FAM153A: variants seen among roughly 807,000 people sequenced by gnomAD.
FAM153A encodes protein FAM153A.
Under a neutral mutation model 48.1 loss-of-function variants are expected in FAM153A, and 12 were observed. The ratio of observed to expected loss-of-function variants is 0.25; its 90% confidence interval spans 0.16 to 0.40. The LOEUF is 0.40. FAM153A is among the 10% of genes least tolerant of loss of function. The pLI is 1.00. For missense variants in FAM153A, 111 were observed against 345.8 expected (o/e 0.32, Z 5.38); for synonymous variants, 36 against 118.2 (o/e 0.30, Z 4.51).
At chr5:177,705,658 CTTTTTTTTT>C (rs70994931), downstream of FAM153A, among the ~76,000 whole-genome samples, 3 of 79,838 alleles carry the variant, frequency 3.8e-5, no homozygotes, top group South Asian at 1.5e-3. Flanking sequence ...TTTTCTTTTT[CTTTTTTTTT>C]TTTTTTTTTT....
chr5:177,732,869 A>G (rs1764073272), intron 14 of FAM153A, among the ~76,000 whole-genome samples: 2 of 150,192 alleles, frequency 1.3e-5, no homozygotes, highest in African/African-American at 5.0e-5. Flanking sequence ...TAACTAAAAT[A>G]TCCTATGTAT....
the FAM153A span, among the ~76,000 whole-genome samples, chr5:177,699,050 C>G: frequency 2.0e-5 from 3 of 151,750 alleles, no homozygotes; most frequent in Non-Finnish European, 4.4e-5. Context: ...ATCCTCCTAC[C>G]TCAGCATCCC....
At chr5:177,734,766 G>T in intron 13 of FAM153A, 97 bp downstream of exon 15, 1 of 1,608,364 alleles carries the variant, frequency 6.2e-7, no homozygotes, top group East Asian at 2.2e-5. Flanking sequence ...GTGTAACTAA[G>T]ATATATATCT....
chr5:177,725,136 CG>C (rs1762116637), intron 18 of FAM153A, among the ~76,000 whole-genome samples: 1 of 143,256 alleles, frequency 7.0e-6, no homozygotes, highest in Non-Finnish European at 1.5e-5. Flanking sequence ...CAACGTTGTG[CG>C]TGACATGGAG....
At chr5:177,713,360 C>T (rs1758854029) in intron 26 of FAM153A, among the ~76,000 whole-genome samples, 1 of 150,816 alleles carries the variant, frequency 6.6e-6, no homozygotes, top group South Asian at 2.1e-4. Context: ...ACGTCATTCT[C>T]CTGCCTCAGC....
At chr5:177,696,023 C>T in the FAM153A span, among the ~76,000 whole-genome samples, 158 of 130,858 alleles carry the variant, frequency 1.2e-3, no homozygotes, top group Non-Finnish European at 1.6e-3. Context: ...TCCTCACTTC[C>T]TAGATGGGGC....
At chr5:177,753,625 T>G (rs1050970555), upstream of FAM153A, among the ~76,000 whole-genome samples, 1 of 150,172 alleles carries the variant, frequency 6.7e-6, no homozygotes, top group Non-Finnish European at 1.5e-5. Flanking sequence ...CTACTATTCC[T>G]GAGTCACCAG....
At chr5:177,730,233 G>A (rs1169817446) in intron 16 of FAM153A, among the ~76,000 whole-genome samples, 1 of 116,290 alleles carries the variant, frequency 8.6e-6, no homozygotes, top group African/African-American at 2.8e-5. Context: ...GAGCAGCGAG[G>A]GGGTGCGGGG....
At chr5:177,752,638 A>AAAAAAAAAAAG (rs1554153712) in intron 1 of FAM153A, among the ~76,000 whole-genome samples, 3 of 98,714 alleles carry the variant, frequency 3.0e-5, no homozygotes, top group African/African-American at 8.7e-5. Context: ...AAAAAAAAAA[A>AAAAAAAAAAAG]AAAAGAAAAG....
At chr5:177,701,006 T>C in the FAM153A span, among the ~76,000 whole-genome samples, 1 of 151,866 alleles carries the variant, frequency 6.6e-6, no homozygotes, top group Non-Finnish European at 1.5e-5. Context: ...TGGATCATAG[T>C]AGCATTTTCT....
downstream of FAM153A, chr5:177,708,015 A>G (rs1298189228): frequency 6.6e-6 from 1 of 152,140 alleles, no homozygotes; most frequent in South Asian, 2.0e-4. Flanking sequence ...CTGGGGGGAC[A>G]TACTGGAGTT....
Position 177,740,549 on chromosome 5 carries a change from AT to A in FAM153A, c.466+227del, listed in dbSNP as rs376771587. 2.8e-4 allele frequency among the ~76,000 whole-genome samples: 32 copies of A among 116,300 alleles called. 9 individuals carry two copies. Among genetic ancestry groups the A allele is most frequent in the African/African-American group, 8.6e-4 (30 of 35,022 alleles). The allele number at this position is 116,300 out of a possible 152,430, so 76.3% of individuals were successfully genotyped here. On this transcript the variant is annotated intron_variant, in intron 8 of 20. Coordinates refer to ENST00000614127, the Ensembl canonical transcript of FAM153A. Reference sequence around the variant, plus strand: ...GTGGAACACTTGTGGCCATCATGTTATTAAACATAGCAGAATATGTCCCTGA... The same window carrying A: ...GTGGAACACTTGTGGCCATCATGTTATAAACATAGCAGAATATGTCCCTGA...
At chr5:177,707,476 G>C (rs1387157311), downstream of FAM153A, among the ~76,000 whole-genome samples, 4 of 151,814 alleles carry the variant, frequency 2.6e-5, no homozygotes, top group African/African-American at 9.7e-5. Context: ...CATATAGTAG[G>C]TGTTTTTGAA....
At chr5:177,723,437 G>A (rs1441099201) in exon 21 of FAM153A, 1 of 146,646 alleles carries the variant, frequency 6.8e-6, no homozygotes, top group Non-Finnish European at 1.5e-5. Flanking sequence ...ACCCTCCCAA[G>A]TGAGCATGGC....
downstream of FAM153A, among the ~76,000 whole-genome samples, chr5:177,720,681 CAGGT>C (rs1760863169): frequency 8.6e-5 from 7 of 81,748 alleles, no homozygotes; most frequent in South Asian, 3.3e-3. Flanking sequence ...TGAATGCTGG[CAGGT>C]AGGAAGAAAA....
downstream of FAM153A, among the ~76,000 whole-genome samples, chr5:177,706,026 C>T (rs1195334202): frequency 4.0e-5 from 6 of 151,772 alleles, no homozygotes; most frequent in Admixed American, 3.9e-4. Context: ...GATTGAAAGA[C>T]TTAACGTTAA....
At chr5:177,698,566 C>CT in the FAM153A span, among the ~76,000 whole-genome samples, 9 of 151,576 alleles carry the variant, frequency 5.9e-5, no homozygotes, top group South Asian at 1.5e-3. Flanking sequence ...ACATTTAAAG[C>CT]TTTTTTTTAT....
chr5:177,755,362 G>A (rs1289285144), upstream of FAM153A, among the ~76,000 whole-genome samples: 1 of 151,868 alleles, frequency 6.6e-6, no homozygotes, highest in African/African-American at 2.4e-5. Context: ...TGTCTGATTG[G>A]TATACCTGAA....
At chr5:177,705,423 C>G (rs190522807), downstream of FAM153A, among the ~76,000 whole-genome samples, 1,186 of 149,352 alleles carry the variant, frequency 7.9e-3, 12 homozygotes, top group South Asian at 0.028. Flanking sequence ...TGAGGCCTTC[C>G]CAGAAGCAGA....
Sources: allele counts gnomAD v4.1 joint callset (sites outside exome capture counted in the v4.1 genomes callset), GRCh38; gene constraint gnomAD v4.1.1; transcripts MANE v1.5; gene names NCBI Gene and HGNC (gene_info 2026-07-23, HGNC 2026-07-21).